DAZL: variants seen among roughly 807,000 people sequenced by gnomAD.
DAZL encodes the protein deleted in azoospermia-like.
DAZL carries 4 observed loss-of-function variants against 45.0 expected under a neutral mutation model. The observed-to-expected ratio is 0.09, with a 90% CI of 0.04 to 0.20. The LOEUF (loss-of-function observed/expected upper bound fraction) is 0.20. Among genes scored for constraint, DAZL ranks in the 10% least tolerant of loss-of-function variants. DAZL has a pLI of 1.00. For synonymous variants in DAZL, 122 were observed against 112.4 expected (o/e 1.09, Z -0.54); for missense variants, 326 against 351.3 (o/e 0.93, Z 0.58).
intron 10 of DAZL, among the ~76,000 whole-genome samples, chr3:16,591,074 G>A (rs1246953589): frequency 1.3e-5 from 2 of 152,022 alleles, no homozygotes; most frequent in Admixed American, 6.6e-5. Flanking sequence ...TTTACTAACC[G>A]TAATATTTCT....
At chr3:16,599,849 A>T (rs1462984161) in intron 1 of DAZL, among the ~76,000 whole-genome samples, 1 of 152,196 alleles carries the variant, frequency 6.6e-6, no homozygotes, top group African/African-American at 2.4e-5. Context: ...CTTACAGGTA[A>T]GTGGTTACAA....
chr3:16,593,249 A>G (rs1694548004), intron 9 of DAZL, among the ~76,000 whole-genome samples: 1 of 152,210 alleles, frequency 6.6e-6, no homozygotes, highest in Non-Finnish European at 1.5e-5. Context: ...GAATATAGGA[A>G]AGGACTGCTG....
At chr3:16,597,350 T>C (rs1694616270) in intron 4 of DAZL, 140 bp downstream of exon 4, 2 of 743,206 alleles carry the variant, frequency 2.7e-6, no homozygotes, top group Non-Finnish European at 4.6e-6. Flanking sequence ...TCTAACAAGT[T>C]ATGTAAGATT....
chr3:16,594,535 G>T lies in DAZL; in HGVS notation c.619C>A (p.Pro207Thr), dbSNP rs763328547. 2 of 1,589,016 alleles carry T rather than the reference G, an allele frequency of 1.3e-6. No individual in the cohort carries two copies. Among genetic ancestry groups the T allele is most frequent in the East Asian group, 4.5e-5 (2 of 44,466 alleles). Residue 207 changes from proline (P) to threonine (T), a missense_variant and splice_region_variant, in exon 8 of 11, where the codon CCG becomes ACG. Transcript: ENST00000399444. ...VGEQRSYVVP[P>T]AYSAVNYHCN... ...TATGTTTGGCTAATTCACTTTACCG[G>T]AGGTACAACATAGCTCCTTTGCTCC...
intron 1 of DAZL, among the ~76,000 whole-genome samples, chr3:16,600,039 T>A (rs1029901786): frequency 2.6e-5 from 4 of 152,334 alleles, no homozygotes; most frequent in African/African-American, 9.6e-5. Context: ...CTATTTTAGC[T>A]GACTTATCTT....
intron 7 of DAZL, 39 bp downstream of exon 7, chr3:16,595,275 A>C: frequency 8.2e-7 from 1 of 1,219,726 alleles, no homozygotes; most frequent in Non-Finnish European, 1.2e-6. Context: ...GGCCTCAATA[A>C]AATCTGAAAG....
intron 10 of DAZL, among the ~76,000 whole-genome samples, chr3:16,589,882 AG>A (rs1694491226): frequency 6.7e-6 from 1 of 150,194 alleles, no homozygotes; most frequent in African/African-American, 2.5e-5. Flanking sequence ...GGGGCAATAT[AG>A]TAAGATTCTG....
At chr3:16,604,611 G>GCCCCCCCCCACCCCCCCCCCCC in intron 1 of DAZL, 1 of 1,373,834 alleles carries the variant, frequency 7.3e-7, no homozygotes, top group Non-Finnish European at 9.4e-7. Flanking sequence ...CCACGCTGAG[G>GCCCCCCCCCACCCCCCCCCCCC]CCCCCACGAA....
At position 16,597,352 on chromosome 3, in the gene DAZL, T is replaced by C. The variant is rs1575418117; in HGVS notation, c.294+138A>G. The stretch of plus-strand genomic sequence containing the variant: ...AAAATAAACAGGTTCTAACAAGTTA[T>C]GTAAGATTCCTCTAAGTTTGGATTT... On this transcript the variant is annotated intron_variant, in intron 4 of 10. Coordinates refer to ENST00000399444, the MANE Select transcript of DAZL (RefSeq NM_001351.4). The C allele has an allele frequency of 6.2e-5, 47 of 752,456 alleles. 1 individual carries two copies. The South Asian group carries it at 7.5e-4, about 12-fold the overall frequency. 46.6% of individuals were successfully genotyped at this position (752,456 alleles called of 1,614,324 possible). A position where few individuals can be genotyped will look rare whatever the true frequency, so the allele number is the denominator to read the frequency against.
chr3:16,592,295 G>A (rs60830150), intron 9 of DAZL, 147 bp from the exon 10 acceptor site: 144,377 of 1,235,968 alleles, frequency 0.12, 11,358 homozygotes, highest in East Asian at 0.4. Flanking sequence ...GGTGGCTCAC[G>A]CCTGTAATCC....
At chr3:16,595,850 A>C (rs1173122098) in intron 6 of DAZL, among the ~76,000 whole-genome samples, 1 of 152,050 alleles carries the variant, frequency 6.6e-6, no homozygotes, top group Non-Finnish European at 1.5e-5. Flanking sequence ...CGAAGAACTA[A>C]GGGCTGTATA....
At chr3:16,589,258 A>G (rs1694483283) in intron 10 of DAZL, among the ~76,000 whole-genome samples, 1 of 152,162 alleles carries the variant, frequency 6.6e-6, no homozygotes, top group African/African-American at 2.4e-5. Context: ...CTTTCTTTTC[A>G]CTCTATGTTG....
Position 16,598,188 on chromosome 3 carries a change from AGAATT to A in DAZL, c.151-15_151-11del. ...TCTCAGTTTCATCCATCTATGGAAA[AGAATT>A]GAACTTCAAGAGTAAAAATTCAGCA... On this transcript the variant is annotated splice_polypyrimidine_tract_variant and intron_variant, in intron 2 of 10. Coordinates refer to ENST00000399444, the MANE Select transcript of DAZL (RefSeq NM_001351.4). The A allele has an allele frequency of 6.3e-7, 1 of 1,575,388 alleles. No individual in the cohort carries two copies. The highest frequency in any genetic ancestry group is 8.7e-7 in the Non-Finnish European group (1 of 1,147,938).
intron 1 of DAZL, 115 bp from the exon 2 acceptor site, chr3:16,598,713 C>A: frequency 8.5e-7 from 1 of 1,170,304 alleles, no homozygotes; most frequent in South Asian, 1.8e-5. Context: ...TACTTTCATT[C>A]TAAGTTAGTT....
chr3:16,604,700 G>A lies in DAZL; in HGVS notation c.3+503C>T, dbSNP rs998212584. ...GCTCCGGCCCTCGAAGTTTAAGAAG[G>A]CAAGTCCCTCAGCAGGCCCGCCGCC... is the stretch of plus-strand genomic sequence containing the variant. On this transcript the variant is annotated intron_variant, in intron 1 of 10. Coordinates refer to ENST00000399444, the MANE Select transcript of DAZL (RefSeq NM_001351.4). The A allele has an allele frequency of 3.9e-5, 53 of 1,359,544 alleles. 1 individual carries two copies. In the African/African-American group the frequency reaches 6.6e-4, roughly 17 times the overall value. The allele number at this position is 1,359,544 out of a possible 1,614,324, so 84.2% of individuals were successfully genotyped here.
At chr3:16,603,695 C>A (rs995270131) in intron 1 of DAZL, among the ~76,000 whole-genome samples, 1 of 151,978 alleles carries the variant, frequency 6.6e-6, no homozygotes, top group African/African-American at 2.4e-5. Flanking sequence ...TAAGCGAATT[C>A]GGTAAAATAA....
At chr3:16,601,433 G>C (rs886487364) in intron 1 of DAZL, among the ~76,000 whole-genome samples, 3 of 152,168 alleles carry the variant, frequency 2.0e-5, no homozygotes, top group Non-Finnish European at 2.9e-5. Flanking sequence ...CTAGTTCTCA[G>C]CCAGCAGGTG....
chr3:16,597,626 A>C (rs1575418248), intron 3 of DAZL, 85 bp from the exon 4 acceptor site: 4 of 844,124 alleles, frequency 4.7e-6, no homozygotes, highest in Non-Finnish European at 8.3e-6. Context: ...AGTGATCATG[A>C]CTAAAATATG....
intron 5 of DAZL, 23 bp from the exon 6 acceptor site, chr3:16,596,912 A>G (rs2125046293): frequency 1.2e-6 from 2 of 1,613,762 alleles, no homozygotes; most frequent in East Asian, 2.2e-5. Context: ...CAAAAAGAAA[A>G]GGCCTATTTT....
Sources: gnomAD v4.1 joint callset for allele counts (sites outside exome capture counted in the v4.1 genomes callset) on GRCh38, gnomAD v4.1.1 for gene constraint, MANE v1.5 for transcripts, NCBI Gene and HGNC (gene_info 2026-07-23, HGNC 2026-07-21) for gene names.